CADPS2: variants seen among roughly 807,000 people sequenced by gnomAD.
CADPS2 encodes calcium dependent secretion activator 2.
A neutral mutation model predicts 172.5 loss-of-function variants in CADPS2; 93 were observed. The observed-to-expected ratio is 0.54, with a 90% CI of 0.46 to 0.64. The LOEUF is 0.64. CADPS2 is among the 30% of genes least tolerant of loss of function. The probability of loss-of-function intolerance (pLI) is 0.00; values close to 1 mark genes in which losing one functional copy is unlikely to be tolerated. For synonymous variants in CADPS2, 546 were observed against 555.2 expected (o/e 0.98, Z 0.23); for missense variants, 1,420 against 1,565.9 (o/e 0.91, Z 1.57).
At chr7:122,454,335 T>TC (rs11447937) in intron 14 of CADPS2, among the ~76,000 whole-genome samples, 54,791 of 151,898 alleles carry the variant, frequency 0.36, 10,106 homozygotes, top group African/African-American at 0.43. Context: ...TTAGGTTAAT[T>TC]CCCAAGGTCA....
At chr7:122,493,015 A>G (rs1272331303) in intron 9 of CADPS2, among the ~76,000 whole-genome samples, 1 of 152,214 alleles carries the variant, frequency 6.6e-6, no homozygotes, top group Admixed American at 6.5e-5. Context: ...TAGGACCCCA[A>G]AATAAACTAA....
intron 2 of CADPS2, among the ~76,000 whole-genome samples, chr7:122,694,468 A>G (rs1211135349): frequency 6.6e-6 from 1 of 152,182 alleles, no homozygotes; most frequent in African/African-American, 2.4e-5. Context: ...GTGATGAAAA[A>G]TATGCATGGC....
In CADPS2 at chr7:122,492,210, T is replaced by A. The variant is rs184500772; in HGVS notation, c.1543-790A>T. Among the ~76,000 whole-genome samples the A allele has an allele frequency of 2.1e-3, 321 of 151,924 alleles. 1 individual carries two copies. Among genetic ancestry groups the A allele is most frequent in the African/African-American group, 7.2e-3 (298 of 41,508 alleles). ...TGAATAAATAAATAAATTAATTAATTAATTAAATTAAATTAAAATAAATCT... is the reference window on the plus strand; with the variant it reads ...TGAATAAATAAATAAATTAATTAATAAATTAAATTAAATTAAAATAAATCT... On this transcript the variant is annotated intron_variant, in intron 9 of 29. Coordinates refer to ENST00000449022, the MANE Select transcript of CADPS2 (RefSeq NM_017954.11).
intron 17 of CADPS2, chr7:122,427,107 C>T (rs946501235): frequency 6.8e-6 from 1 of 148,144 alleles, no homozygotes; most frequent in African/African-American, 2.5e-5. Flanking sequence ...CTGAAGAAGA[C>T]ATTACATAAA....
intron 2 of CADPS2, among the ~76,000 whole-genome samples, chr7:122,729,057 G>A (rs189341102): frequency 2.0e-4 from 30 of 151,604 alleles, no homozygotes; most frequent in Admixed American, 1.3e-3. Context: ...TTTATCATTC[G>A]TTTGCTACCT....
At chr7:122,383,327 A>G (rs2151392790) in intron 24 of CADPS2, among the ~76,000 whole-genome samples, 1 of 152,008 alleles carries the variant, frequency 6.6e-6, no homozygotes, top group African/African-American at 2.4e-5. Flanking sequence ...ACTGTGGACT[A>G]GTAGAGGGGA....
chr7:122,756,983 G>A (rs973289331), intron 1 of CADPS2, among the ~76,000 whole-genome samples: 3 of 151,972 alleles, frequency 2.0e-5, no homozygotes, highest in Admixed American at 1.3e-4. Flanking sequence ...AGTATGAAAG[G>A]AACCACCACA....
intron 6 of CADPS2, among the ~76,000 whole-genome samples, chr7:122,591,022 T>C (rs900707744): frequency 2.0e-5 from 3 of 151,814 alleles, no homozygotes; most frequent in Non-Finnish European, 4.4e-5. Context: ...TGACATACTA[T>C]AAAAGTATCT....
At chr7:122,652,097 CT>C (rs1458521665) in intron 3 of CADPS2, among the ~76,000 whole-genome samples, 4 of 152,190 alleles carry the variant, frequency 2.6e-5, no homozygotes. Flanking sequence ...TGGAGAACCT[CT>C]TCATGATGTA....
chr7:122,801,601 T>G (rs1009871801), intron 1 of CADPS2, among the ~76,000 whole-genome samples: 1 of 152,158 alleles, frequency 6.6e-6, no homozygotes, highest in Non-Finnish European at 1.5e-5. Context: ...CTATTATCAT[T>G]GCTACTATAA....
At chr7:122,602,374 C>T (rs971088833) in intron 6 of CADPS2, among the ~76,000 whole-genome samples, 4 of 151,832 alleles carry the variant, frequency 2.6e-5, no homozygotes, top group African/African-American at 9.7e-5. Context: ...CTCTATATAA[C>T]GTGTATATAC....
intron 14 of CADPS2, among the ~76,000 whole-genome samples, chr7:122,452,896 T>C (rs2053307295): frequency 6.6e-6 from 1 of 152,166 alleles, no homozygotes; most frequent in Admixed American, 6.5e-5. Flanking sequence ...TATGTATGTG[T>C]GTGTGTATAT....
chr7:122,482,719 A>C (rs1233162918), intron 11 of CADPS2, among the ~76,000 whole-genome samples: 2 of 152,188 alleles, frequency 1.3e-5, no homozygotes, highest in African/African-American at 4.8e-5. Context: ...ACAGGAACCC[A>C]GGAAAAGCCC....
At chr7:122,594,696 C>T (rs943080869) in intron 6 of CADPS2, among the ~76,000 whole-genome samples, 3 of 151,814 alleles carry the variant, frequency 2.0e-5, no homozygotes, top group African/African-American at 7.3e-5. Flanking sequence ...ATTTTCCTTT[C>T]TCTCCCTCAT....
rs772825809 is a variant in CADPS2 at position 122,621,472 on chromosome 7, G to A, written c.1104+9C>T. ...CTGTCAGAGGTGAGCATGAGATAAA[G>A]CTACTTACCTCTAAGGTGAATGACA... On this transcript the variant is annotated intron_variant, in intron 5 of 29. Transcript: ENST00000449022. 7.0e-6 allele frequency: 11 copies of A among 1,564,048 alleles called. No homozygotes were observed. The South Asian group carries it at 1.2e-4, about 18-fold the overall frequency.
intron 3 of CADPS2, among the ~76,000 whole-genome samples, chr7:122,645,230 A>AGT (rs2078179881): frequency 1.0e-4 from 1 of 10,018 alleles, no homozygotes; most frequent in Non-Finnish European, 2.3e-4. Flanking sequence ...ATATACGCTA[A>AGT]GTATATATAT....
intron 1 of CADPS2, among the ~76,000 whole-genome samples, chr7:122,810,824 C>T (rs1249598668): frequency 1.3e-5 from 2 of 152,082 alleles, no homozygotes; most frequent in Non-Finnish European, 2.9e-5. Flanking sequence ...AAACTCCTGG[C>T]TTCAAGTGAT....
chr7:122,742,601 T>A (rs2092543522), intron 1 of CADPS2, among the ~76,000 whole-genome samples: 1 of 152,116 alleles, frequency 6.6e-6, no homozygotes, highest in African/African-American at 2.4e-5. Context: ...TTCTAAGCAT[T>A]CTATGTCTAT....
At chr7:122,578,739 T>C (rs1413705666) in intron 7 of CADPS2, among the ~76,000 whole-genome samples, 2 of 152,140 alleles carry the variant, frequency 1.3e-5, no homozygotes, top group Non-Finnish European at 2.9e-5. Context: ...AAATAGATCA[T>C]AGTGACTGAG....
Sources: allele counts gnomAD v4.1 joint callset (sites outside exome capture counted in the v4.1 genomes callset), GRCh38; gene constraint gnomAD v4.1.1; transcripts MANE v1.5; gene names NCBI Gene and HGNC (gene_info 2026-07-23, HGNC 2026-07-21).